The following AVEN variants were observed in gnomAD, a reference collection of about 807,000 sequenced individuals.
The protein encoded by AVEN is cell death regulator Aven.
In AVEN, 41 loss-of-function variants were observed where a neutral mutation model predicts 38.1. That is an observed-to-expected ratio of 1.08 (90% CI 0.84 to 1.40). The LOEUF (loss-of-function observed/expected upper bound fraction) is 1.40, where lower values mean the gene tolerates loss of function less well. AVEN is among the 40% of genes most tolerant of loss of function. The pLI is 0.00. For synonymous variants in AVEN, 206 were observed against 171.8 expected (o/e 1.20, Z -1.56); for missense variants, 605 against 438.8 (o/e 1.38, Z -3.38).
At chr15:33,888,307 G>C (rs1395567292) in intron 2 of AVEN, among the ~76,000 whole-genome samples, 1 of 152,152 alleles carries the variant, frequency 6.6e-6, no homozygotes, top group East Asian at 1.9e-4. Flanking sequence ...GGAGCATTGT[G>C]TGTGTGTGTG....
intron 2 of AVEN, among the ~76,000 whole-genome samples, chr15:33,961,880 T>C (rs1214005846): frequency 6.7e-6 from 1 of 148,418 alleles, no homozygotes; most frequent in Non-Finnish European, 1.5e-5. Context: ...TGTGTTCCTA[T>C]GAACCAGTAT....
chr15:33,961,595 C>T (rs551294368), intron 2 of AVEN, among the ~76,000 whole-genome samples: 296 of 151,790 alleles, frequency 2.0e-3, no homozygotes, highest in African/African-American at 5.1e-3. Flanking sequence ...GGGCGAATCA[C>T]GAGGTCAGGA....
At chr15:34,054,683 G>C (rs967230902) in intron 5 of AVEN, among the ~76,000 whole-genome samples, 1 of 152,086 alleles carries the variant, frequency 6.6e-6, no homozygotes, top group Non-Finnish European at 1.5e-5. Flanking sequence ...GGAGCCTGTG[G>C]GGGTGAGGGT....
At chr15:34,031,415 T>G (rs1898813451) in intron 1 of AVEN, among the ~76,000 whole-genome samples, 1 of 152,138 alleles carries the variant, frequency 6.6e-6, no homozygotes, top group Non-Finnish European at 1.5e-5. Flanking sequence ...CCTCAGGTGA[T>G]CTGCCTGCCT....
chr15:34,001,894 G>A (rs1897151378), intron 2 of AVEN, among the ~76,000 whole-genome samples: 1 of 152,142 alleles, frequency 6.6e-6, no homozygotes, highest in Non-Finnish European at 1.5e-5. Flanking sequence ...AAAGTCATGA[G>A]GAAGAAAAAA....
chr15:34,003,071 G>A lies in AVEN; in HGVS notation c.406C>T (p.Gln136Ter). ...KEVNNESGESQRGTDFSVLLS... is the reference protein window; with the variant it reads ...KEVNNESGES ...AGGACACTGAAATCTGTTCCCCTCT[G>A]TGACTCTCCACTTTCATTATTGACC... Residue 136 changes from glutamine (Q) to a stop codon, truncating the protein, a stop_gained, in exon 2 of 6, where the codon CAG becomes TAG. Coordinates refer to ENST00000306730, the MANE Select transcript of AVEN (RefSeq NM_020371.3). LOFTEE classifies it high-confidence loss of function. The A allele has an allele frequency of 5.6e-6, 9 of 1,614,000 alleles. No individual in the cohort carries two copies. The highest frequency in any genetic ancestry group is 7.6e-6 in the Non-Finnish European group (9 of 1,179,916).
chr15:34,027,806 G>T (rs1009747716), intron 1 of AVEN, among the ~76,000 whole-genome samples: 3 of 140,306 alleles, frequency 2.1e-5, no homozygotes, highest in African/African-American at 8.1e-5. Flanking sequence ...GCTACCTGAG[G>T]CAAGGATCAG....
chr15:33,893,209 A>C (rs946505450), intron 2 of AVEN, among the ~76,000 whole-genome samples: 2 of 152,110 alleles, frequency 1.3e-5, no homozygotes, highest in African/African-American at 2.4e-5. Flanking sequence ...AATACCCTTT[A>C]TTTCTTTCTC....
intron 2 of AVEN, among the ~76,000 whole-genome samples, chr15:33,933,506 C>T (rs912887340): frequency 8.4e-6 from 1 of 118,392 alleles, no homozygotes; most frequent in Non-Finnish European, 1.8e-5. Context: ...CACACACACA[C>T]ACACACACAC....
chr15:33,867,472 G>C (rs570842145), intron 5 of AVEN, 23 bp downstream of exon 5: 2 of 1,542,730 alleles, frequency 1.3e-6, no homozygotes, highest in Non-Finnish European at 1.7e-6. Context: ...CAAGATTCAC[G>C]GGGAATAAAA....
intron 2 of AVEN, among the ~76,000 whole-genome samples, chr15:33,880,019 A>C (rs1192231094): frequency 6.6e-6 from 1 of 152,214 alleles, no homozygotes; most frequent in African/African-American, 2.4e-5. Context: ...ATATGTGAAT[A>C]TATAATAGCA....
intron 2 of AVEN, among the ~76,000 whole-genome samples, chr15:33,945,775 C>T (rs554679287): frequency 1.4e-4 from 22 of 152,102 alleles, no homozygotes; most frequent in African/African-American, 4.8e-4. Context: ...TTCGTAGAGA[C>T]GGGGTTTCGC....
intron 2 of AVEN, among the ~76,000 whole-genome samples, chr15:33,952,799 A>G (rs1894801737): frequency 6.6e-6 from 1 of 151,916 alleles, no homozygotes; most frequent in South Asian, 2.1e-4. Context: ...AGACATCTAC[A>G]TATGCCCAAA....
intron 2 of AVEN, among the ~76,000 whole-genome samples, chr15:33,889,943 A>G (rs1891864035): frequency 6.6e-6 from 1 of 152,196 alleles, no homozygotes; most frequent in African/African-American, 2.4e-5. Flanking sequence ...CAATGGGGTC[A>G]AGGTACGGCA....
chr15:33,982,677 G>C (rs1896206654), intron 2 of AVEN, among the ~76,000 whole-genome samples: 1 of 152,102 alleles, frequency 6.6e-6, no homozygotes, highest in African/African-American at 2.4e-5. Flanking sequence ...ACAAGAATTT[G>C]TTTAGGTTAT....
At chr15:34,021,347 G>A (rs1328986382) in intron 1 of AVEN, among the ~76,000 whole-genome samples, 2 of 151,218 alleles carry the variant, frequency 1.3e-5, no homozygotes, top group Admixed American at 6.6e-5. Flanking sequence ...GTACAATGGC[G>A]CCATCTTGGC....
intron 4 of AVEN, among the ~76,000 whole-genome samples, chr15:33,868,779 G>A (rs1258549238): frequency 6.6e-6 from 1 of 152,144 alleles, no homozygotes; most frequent in Non-Finnish European, 1.5e-5. Flanking sequence ...AGAGAGTGAC[G>A]TGGAGTGTGT....
intron 2 of AVEN, among the ~76,000 whole-genome samples, chr15:33,876,645 T>G (rs956031843): frequency 2.0e-5 from 3 of 152,304 alleles, no homozygotes; most frequent in Middle Eastern, 3.4e-3. Flanking sequence ...GATATACATG[T>G]GTATATGTGC....
At chr15:33,919,779 G>C (rs948399800) in intron 2 of AVEN, among the ~76,000 whole-genome samples, 3 of 152,094 alleles carry the variant, frequency 2.0e-5, no homozygotes, top group African/African-American at 7.2e-5. Flanking sequence ...CCAGGTATTT[G>C]GCCTCATTCC....
Sources: gnomAD v4.1 joint callset for allele counts (sites outside exome capture counted in the v4.1 genomes callset) on GRCh38, gnomAD v4.1.1 for gene constraint, MANE v1.5 for transcripts, NCBI Gene and HGNC (gene_info 2026-07-23, HGNC 2026-07-21) for gene names.